YRDC: variants seen among roughly 807,000 people sequenced by gnomAD.
YRDC encodes yrdC N6-threonylcarbamoyltransferase domain containing.
In YRDC, 17 loss-of-function variants were observed where a neutral mutation model predicts 21.5. The ratio of observed to expected loss-of-function variants is 0.79; its 90% CI spans 0.54 to 1.19. The LOEUF is 1.19. Ranked by LOEUF, YRDC falls within the 50% of genes most tolerant of loss-of-function variation. YRDC has a pLI of 0.00. For missense variants in YRDC, 380 were observed against 397.1 expected (o/e 0.96, Z 0.37); for synonymous variants, 193 against 176.7 (o/e 1.09, Z -0.73).
chr1:37,806,767 G>A (rs1646739645), intron 3 of YRDC, 90 bp downstream of exon 3: 1 of 1,576,864 alleles, frequency 6.3e-7, no homozygotes, highest in African/African-American at 1.3e-5. Flanking sequence ...CTCATGCCTG[G>A]CCATCCCAGT....
At position 37,804,368 on chromosome 1, in the gene YRDC, C is replaced by T; in HGVS notation, c.701G>A (p.Cys234Tyr). The T allele has an allele frequency of 6.2e-7, 1 of 1,614,206 alleles. No homozygotes were observed. Among genetic ancestry groups the T allele is most frequent in the Non-Finnish European group, 8.5e-7 (1 of 1,180,006 alleles). Residue 234 changes from cysteine (C) to tyrosine (Y), a missense_variant, in exon 4 of 5, where the codon TGT (cysteine) becomes TAT (tyrosine). By Grantham distance (194) the Cys-to-Tyr change is radical. Transcript: ENST00000373044. ...GQIGDGQSPE[C>Y]RLGSTVVDLS... ...ATCAACCACAGTTGAGCCAAGGCGA[C>T]ACTCGGGGCTCTGGCCATCCCCAAT...
intron 1 of YRDC, chr1:37,807,492 G>C: frequency 1.7e-6 from 1 of 586,890 alleles, no homozygotes; most frequent in Non-Finnish European, 3.0e-6. Context: ...TTTTCTTCAA[G>C]GCATTCGCTA....
rs957087978 is a variant in YRDC at position 37,807,743 on chromosome 1, C to G, written c.389+49G>C. The G allele has an allele frequency of 2.8e-6, 4 of 1,430,152 alleles. No individual in the cohort carries two copies. The African/African-American group carries it at 5.9e-5, about 21-fold the overall frequency. 88.6% of individuals were successfully genotyped at this position (1,430,152 alleles called of 1,614,324 possible). On this transcript the variant is annotated intron_variant, in intron 1 of 4. Transcript: ENST00000373044. ...AGTCTCCCAAGCCTGTCACCGGAAA[C>G]CCCTCCCGCGGTGCCGCCCCTAGCG...
chr1:37,804,302 C>T lies in YRDC; in HGVS notation c.767G>A (p.Cys256Tyr). The change falls in exon 4 of 5, where the codon TGT becomes TAT. Residue 256 changes from cysteine (C) to tyrosine (Y), a missense_variant and splice_region_variant. Physicochemically the swap from Cys to Tyr is radical, Grantham distance 194. Transcript: ENST00000373044. ...CCCACACCACAGGAAAGAGACTTAC[C>T]AGCCTGGACGAATGATGCCAAACTT... ...PGKFGIIRPG[C>Y]ALESTTAILQ... 6.2e-7 allele frequency: 1 copy of T among 1,612,742 alleles called. No individual in the cohort carries two copies. The highest frequency in any genetic ancestry group is 8.5e-7 in the Non-Finnish European group (1 of 1,178,962).
rs768025764 is a variant in YRDC, at chr1:37,806,486, G to A, written c.624+371C>T. On this transcript the variant is annotated intron_variant, in intron 3 of 4. Coordinates refer to ENST00000373044, the MANE Select transcript of YRDC (RefSeq NM_024640.4). ...CAAAGTGCTGGGGTCACAGGCATGA[G>A]CCACTGCCCTTGGCCTTCTTCATCT... 6.2e-4 allele frequency among the ~76,000 whole-genome samples: 94 copies of A among 152,328 alleles called. 2 individuals carry two copies. Among genetic ancestry groups the A allele is most frequent in the Middle Eastern group, 6.8e-3 (2 of 294 alleles).
At position 37,808,123 on chromosome 1, in the gene YRDC, A is replaced by C. The variant is rs2148392540; in HGVS notation, c.58T>G (p.Leu20Val). The C allele has an allele frequency of 6.8e-7, 1 of 1,466,344 alleles. No homozygotes were observed. Among genetic ancestry groups the C allele is most frequent in the East Asian group, 3.0e-5 (1 of 33,122 alleles). The allele number at this position is 1,466,344 out of a possible 1,614,324, so 90.8% of individuals were successfully genotyped here. A position where few individuals can be genotyped will look rare whatever the true frequency, so the allele number is the denominator to read the frequency against. ...MRAAVAASVG[L>V]SEGPAGSRSG... ...CGGGAGCCAGCAGGCCCCTCGCTCA[A>C]CCCCACGCTGGCAGCCACCGCGGCC... Residue 20 changes from leucine (L) to valine (V), a missense_variant, in exon 1 of 5, where the codon TTG becomes GTG. This residue lies in a region of YRDC where 91 missense variants were observed against 64.7 expected (regional missense o/e 1.41). Transcript: ENST00000373044.
rs930282501 is a variant in YRDC, at chr1:37,806,887, G to C, written c.594C>G (p.Leu198=). ...CATTCAGAGAACTGGCCTGGGAGCT[G>C]AGGTTGGCACTAGTGAGAGCAAGCG... ...EGPLALTSAN[L]SSQASSLNVE... is the part of the protein sequence containing the mutation. Residue 198 remains leucine (L), a synonymous_variant, in exon 3 of 5, where the codon CTC becomes CTG. Transcript: ENST00000373044. The C allele has an allele frequency of 1.9e-6, 3 of 1,614,094 alleles. No homozygotes were observed. The highest frequency in any genetic ancestry group is 2.5e-6 in the Non-Finnish European group (3 of 1,180,050).
intron 3 of YRDC, among the ~76,000 whole-genome samples, chr1:37,805,053 T>C: frequency 6.6e-6 from 1 of 151,826 alleles, no homozygotes; most frequent in East Asian, 1.9e-4. Context: ...GCCAGGAGTT[T>C]GAGACTAGCC....
rs1412130483 is a variant in YRDC at position 37,803,154 on chromosome 1, T to C, written c.*771A>G. 6.6e-6 allele frequency: 1 copy of C among 152,218 alleles called. No individual in the cohort carries two copies. The highest frequency in any genetic ancestry group is 1.5e-5 in the Non-Finnish European group (1 of 68,042). 9.4% of individuals were successfully genotyped at this position (152,218 alleles called of 1,614,324 possible). A position where few individuals can be genotyped will look rare whatever the true frequency, so the allele number is the denominator to read the frequency against. On this transcript the variant is annotated 3_prime_UTR_variant, in exon 5 of 5. Coordinates refer to ENST00000373044, the MANE Select transcript of YRDC (RefSeq NM_024640.4). ...AAAAGTCCCTGGCTATAAAGGATAG[T>C]GGAGGTTTATTTCCCAATATTCTTC... is the stretch of plus-strand genomic sequence containing the variant.
chr1:37,807,328 C>T, intron 1 of YRDC, 113 bp from the exon 2 acceptor site: 1 of 977,572 alleles, frequency 1.0e-6, no homozygotes, highest in Non-Finnish European at 1.5e-6. Flanking sequence ...ATGGGAGCCG[C>T]CTGTCTCCCT....
At chr1:37,804,976 G>A (rs1646725484) in intron 3 of YRDC, among the ~76,000 whole-genome samples, 1 of 152,174 alleles carries the variant, frequency 6.6e-6, no homozygotes, top group African/African-American at 2.4e-5. Flanking sequence ...CAAAAACTAG[G>A]TAAAAAGACC....
chr1:37,804,799 G>C (rs1646724340), intron 3 of YRDC, among the ~76,000 whole-genome samples: 1 of 152,226 alleles, frequency 6.6e-6, no homozygotes, highest in Non-Finnish European at 1.5e-5. Flanking sequence ...GTATCTCCGT[G>C]TGACTGCATG....
In YRDC at chr1:37,804,796, C is replaced by T. The variant is rs535375066; in HGVS notation, c.625-352G>A. 4.7e-4 allele frequency among the ~76,000 whole-genome samples: 71 copies of T among 152,242 alleles called. 1 individual carries two copies. The highest frequency in any genetic ancestry group is 1.6e-3 in the African/African-American group (68 of 41,538). On this transcript the variant is annotated intron_variant, in intron 3 of 4. Coordinates refer to ENST00000373044, the MANE Select transcript of YRDC (RefSeq NM_024640.4). ...AACTCTAGACTTTCCATCGTATCTC[C>T]GTGTGACTGCATGCAAGTTACTCTA...
At position 37,804,203 on chromosome 1, in the gene YRDC, GGGCAACATAGGA is replaced by G. The variant is rs1198203594; in HGVS notation, c.767+87_767+98del. On this transcript the variant is annotated intron_variant, in intron 4 of 4. Transcript: ENST00000373044. Reference sequence around the variant, plus strand: ...TCCAAACCTGGCCCACACTCCTTCAGGGCAACATAGGAGGCACCATCTTTATCTTGTCAAAGC... The same window carrying G: ...TCCAAACCTGGCCCACACTCCTTCAGGGCACCATCTTTATCTTGTCAAAGC... 6.5e-6 allele frequency: 10 copies of G among 1,539,244 alleles called. No homozygotes were observed. The East Asian group carries it at 2.3e-4, about 35-fold the overall frequency.
chr1:37,804,195 C>G (rs1646720469), intron 4 of YRDC, 107 bp downstream of exon 4: 2 of 1,525,436 alleles, frequency 1.3e-6, no homozygotes, highest in Non-Finnish European at 8.9e-7. Context: ...CTGGCCCACA[C>G]TCCTTCAGGG....
In YRDC at chr1:37,807,656, C is replaced by T. The variant is rs1646749216; in HGVS notation, c.389+136G>A. 8 of 1,341,262 alleles carry T rather than the reference C, an allele frequency of 6.0e-6. No individual in the cohort carries two copies. In the South Asian group the frequency reaches 1.2e-4, roughly 20 times the overall value. The allele number at this position is 1,341,262 out of a possible 1,614,324, so 83.1% of individuals were successfully genotyped here. ...CCCGGGGCACGTTAAGTCCTCGGTA[C>T]ATATTTCCAGTTCCGGATTCCTTGG... On this transcript the variant is annotated intron_variant, in intron 1 of 4. Transcript: ENST00000373044.
Position 37,807,110 on chromosome 1 carries a change from A to T in YRDC, c.495T>A (p.Pro165=), listed in dbSNP as rs776609243. The T allele has an allele frequency of 6.2e-7, 1 of 1,614,138 alleles. No individual in the cohort carries two copies. Among genetic ancestry groups the T allele is most frequent in the South Asian group, 1.1e-5 (1 of 91,086 alleles). Residue 165 remains proline, a synonymous_variant, in exon 2 of 5, where the codon CCT becomes CCA. Transcript: ENST00000373044. ...AGAAAACTTGACTCACAGGCGTAAAAGGGTTTAGGTCCTTGTTGAGCTCCT... is the reference window on the plus strand; with the variant it reads ...AGAAAACTTGACTCACAGGCGTAAATGGGTTTAGGTCCTTGTTGAGCTCCT... ...RSEELNKDLN[P]FTPLVGIRIP... is the part of the protein sequence containing the mutation.
intron 3 of YRDC, among the ~76,000 whole-genome samples, chr1:37,805,356 A>G (rs1387287564): frequency 1.3e-5 from 2 of 152,184 alleles, no homozygotes; most frequent in Non-Finnish European, 2.9e-5. Context: ...CTCTAGAACT[A>G]TGCTCCTGGA....
At position 37,806,841 on chromosome 1, in the gene YRDC, G is replaced by A. The variant is rs1646740633; in HGVS notation, c.624+16C>T. On this transcript the variant is annotated intron_variant, in intron 3 of 4. Transcript: ENST00000373044. ...GCGCTGGTGACATTTCCAGGGGAAG[G>A]ACTGGGTAAACTCACCTCGACATTC... is the stretch of plus-strand genomic sequence containing the variant. The A allele has an allele frequency of 6.2e-7, 1 of 1,614,068 alleles. No homozygotes were observed. The highest frequency in any genetic ancestry group is 8.5e-7 in the Non-Finnish European group (1 of 1,179,992).
Sources: allele counts gnomAD v4.1 joint callset (sites outside exome capture counted in the v4.1 genomes callset), GRCh38; gene constraint gnomAD v4.1.1; regional missense constraint gnomAD v4.1.1; transcripts MANE v1.5; gene names NCBI Gene and HGNC (gene_info 2026-07-23, HGNC 2026-07-21).